Variants in APBB2 observed in about 807,000 individuals in gnomAD.
APBB2 encodes the protein Fe65-like 1.
APBB2 carries 38 observed loss-of-function variants against 82.5 expected under a neutral mutation model. The observed-to-expected ratio is 0.46, with a 90% CI of 0.36 to 0.60. The LOEUF (loss-of-function observed/expected upper bound fraction) is 0.60, where lower values mean the gene tolerates loss of function less well. APBB2 is among the 20% of genes least tolerant of loss of function. The probability of loss-of-function intolerance (pLI) is 0.00; values close to 1 mark genes in which losing one functional copy is unlikely to be tolerated. For missense variants in APBB2, 772 were observed against 972.3 expected, an observed-to-expected ratio of 0.79 and a Z score of 2.74; for synonymous variants, 341 against 368.2, an observed-to-expected ratio of 0.93 and a Z score of 0.85.
chr4:40,903,136 G>A (rs1238282663), intron 10 of APBB2, among the ~76,000 whole-genome samples: 3 of 151,912 alleles, frequency 2.0e-5, no homozygotes, highest in Non-Finnish European at 2.9e-5. Flanking sequence ...GTGACAGAGC[G>A]ATACTCCATC....
Position 40,854,758 on chromosome 4 carries a change from C to T in APBB2, c.1530-24181G>A, listed in dbSNP as rs574876064. 7.3e-3 allele frequency among the ~76,000 whole-genome samples: 1,053 copies of T among 143,386 alleles called. 13 individuals are homozygous for T. The highest frequency in any genetic ancestry group is 0.028 in the African/African-American group (1,019 of 36,920). 94.1% of individuals were successfully genotyped at this position (143,386 alleles called of 152,430 possible). Reference sequence around the variant, plus strand: ...AAGCCAAGATTACGCCACTGCACTCCAGCCTGGGCGATAAGAGCGAAAGTC... The same window carrying T: ...AAGCCAAGATTACGCCACTGCACTCTAGCCTGGGCGATAAGAGCGAAAGTC... On this transcript the variant is annotated intron_variant, in intron 12 of 17. Transcript: ENST00000508593.
rs1553930075 is a variant in APBB2 at position 40,832,013 on chromosome 4, TACACAC to T, written c.1530-1442_1530-1437del. 1.0e-3 allele frequency among the ~76,000 whole-genome samples: 144 copies of T among 138,976 alleles called. 1 individual carries two copies. Among genetic ancestry groups the T allele is most frequent in the African/African-American group, 3.2e-3 (119 of 37,132 alleles). The allele number at this position is 138,976 out of a possible 152,430, so 91.2% of individuals were successfully genotyped here. On this transcript the variant is annotated intron_variant, in intron 12 of 17. Coordinates refer to ENST00000508593, the MANE Select transcript of APBB2 (RefSeq NM_004307.2). This position sits in a 1 kb window ranked among gnomAD's most constrained non-coding sequence, Gnocchi z 4.8. Reference sequence around the variant, plus strand: ...ACACATATTTATATATTTATTTATATACACACACACACACACACACACACACACACA... The same window carrying T: ...ACACATATTTATATATTTATTTATATACACACACACACACACACACACACA...
intron 10 of APBB2, among the ~76,000 whole-genome samples, chr4:40,932,182 C>T (rs1784376893): frequency 6.6e-6 from 1 of 152,360 alleles, no homozygotes; most frequent in East Asian, 1.9e-4. Flanking sequence ...CATCACTGCC[C>T]CAGCCCTTAG....
chr4:41,139,791 T>C (rs1758577975), intron 2 of APBB2, among the ~76,000 whole-genome samples: 1 of 152,198 alleles, frequency 6.6e-6, no homozygotes, highest in Non-Finnish European at 1.5e-5. Flanking sequence ...CATGCAATTC[T>C]TTTAGGGCAG....
intron 3 of APBB2, among the ~76,000 whole-genome samples, chr4:41,076,169 C>T (rs1451003148): frequency 6.6e-6 from 1 of 152,142 alleles, no homozygotes; most frequent in African/African-American, 2.4e-5. Context: ...AAAACATAAA[C>T]GTCTATAGAC....
chr4:41,022,204 C>A (rs1711859806), intron 5 of APBB2, among the ~76,000 whole-genome samples: 1 of 152,140 alleles, frequency 6.6e-6, no homozygotes, highest in Non-Finnish European at 1.5e-5. Context: ...ACCTGGGGGG[C>A]TTTTAAAACA....
At chr4:40,935,217 C>T (rs1785106840) in intron 7 of APBB2, 78 bp from the exon 8 acceptor site, 1 of 1,002,006 alleles carries the variant, frequency 1.0e-6, no homozygotes, top group Admixed American at 2.7e-5. Flanking sequence ...AAAAAAAACA[C>T]AAGACACTGT....
At chr4:41,213,295 C>A (rs1779792221) in intron 1 of APBB2, among the ~76,000 whole-genome samples, 1 of 152,092 alleles carries the variant, frequency 6.6e-6, no homozygotes, top group Admixed American at 6.5e-5. Context: ...AGTAATTAGA[C>A]ACAATGTAAA....
intron 1 of APBB2, among the ~76,000 whole-genome samples, chr4:41,179,302 G>A (rs1013583852): frequency 2.0e-5 from 3 of 152,144 alleles, no homozygotes; most frequent in Admixed American, 6.5e-5. Context: ...TGAGATGTCC[G>A]AGTACCTCAA....
At chr4:40,854,164 C>A (rs62410276) in intron 12 of APBB2, among the ~76,000 whole-genome samples, 28,556 of 152,136 alleles carry the variant, frequency 0.19, 2,805 homozygotes, top group South Asian at 0.23. Context: ...TCTGCCCATT[C>A]ATCAACTGGG....
intron 6 of APBB2, among the ~76,000 whole-genome samples, chr4:40,984,944 C>A (rs1195695181): frequency 1.3e-5 from 2 of 151,586 alleles, no homozygotes; most frequent in African/African-American, 4.9e-5. Flanking sequence ...TTTTTTGAGA[C>A]AGGGTCTCAC....
chr4:40,834,483 T>C (rs1392298371), intron 12 of APBB2, among the ~76,000 whole-genome samples: 2 of 152,158 alleles, frequency 1.3e-5, no homozygotes, highest in Non-Finnish European at 2.9e-5. Context: ...CACTTGCCTG[T>C]GTGAAAAGCC....
intron 10 of APBB2, among the ~76,000 whole-genome samples, chr4:40,933,597 C>T (rs1784734570): frequency 6.6e-6 from 1 of 152,176 alleles, no homozygotes; most frequent in African/African-American, 2.4e-5. Context: ...TTGACCCCAA[C>T]CCTCCCGTGC....
chr4:40,906,566 G>A lies in APBB2; in HGVS notation c.1255-13155C>T, dbSNP rs138373897. ...AAGGGGATTTCAGAGTCCCAATGAG[G>A]AGGGAGGAAACTTCCATTTCCAGCG... On this transcript the variant is annotated intron_variant, in intron 10 of 17. Coordinates refer to ENST00000508593, the MANE Select transcript of APBB2 (RefSeq NM_004307.2). Among the ~76,000 whole-genome samples the A allele has an allele frequency of 2.1e-3, 316 of 152,070 alleles. 1 individual carries two copies. The highest frequency in any genetic ancestry group is 7.5e-3 in the African/African-American group (310 of 41,466).
chr4:41,130,401 A>G (rs1050301768), intron 2 of APBB2, among the ~76,000 whole-genome samples: 2 of 152,148 alleles, frequency 1.3e-5, no homozygotes, highest in African/African-American at 4.8e-5. Flanking sequence ...GCCCTCATTC[A>G]TCTGGCCTGG....
At chr4:41,101,746 T>G (rs775848706) in intron 2 of APBB2, among the ~76,000 whole-genome samples, 4 of 151,860 alleles carry the variant, frequency 2.6e-5, no homozygotes, top group Non-Finnish European at 4.4e-5. Context: ...GATCACGACG[T>G]CAGGAGTTCA....
At chr4:41,190,450 G>A (rs1033121392) in intron 1 of APBB2, among the ~76,000 whole-genome samples, 10 of 151,750 alleles carry the variant, frequency 6.6e-5, no homozygotes, top group East Asian at 3.9e-4. Context: ...GGGTTTCACC[G>A]TGTTGGCCAG....
chr4:41,129,996 G>A (rs1009014227), intron 2 of APBB2, among the ~76,000 whole-genome samples: 4 of 152,096 alleles, frequency 2.6e-5, no homozygotes, highest in Non-Finnish European at 5.9e-5. Context: ...ATCAGGGTAG[G>A]TTTCACCGAC....
intron 12 of APBB2, among the ~76,000 whole-genome samples, chr4:40,851,608 C>T (rs1012876913): frequency 6.6e-6 from 1 of 151,832 alleles, no homozygotes; most frequent in African/African-American, 2.4e-5. Context: ...CATCCCCAGA[C>T]AAGCTTCCAT....
Sources: allele counts gnomAD v4.1 joint callset (sites outside exome capture counted in the v4.1 genomes callset), GRCh38; gene constraint gnomAD v4.1.1; non-coding constraint Gnocchi (gnomAD v3.1); transcripts MANE v1.5; gene names NCBI Gene and HGNC (gene_info 2026-07-23, HGNC 2026-07-21).